Variants in TMX4 observed in about 807,000 individuals in gnomAD.
TMX4 encodes the protein thioredoxin-related transmembrane protein 4.
Under a neutral mutation model 33.3 loss-of-function variants are expected in TMX4, and 23 were observed. The ratio of observed to expected loss-of-function variants is 0.69; its 90% CI spans 0.50 to 0.98. The LOEUF (loss-of-function observed/expected upper bound fraction) is 0.98. Among genes scored for constraint, TMX4 ranks in the 50% least tolerant of loss-of-function variants. TMX4 has a pLI of 0.00. For missense variants in TMX4, 399 were observed against 448.9 expected (o/e 0.89, Z 1.01); for synonymous variants, 164 against 161.5 (o/e 1.02, Z -0.12).
chr20:7,992,347 G>A (rs1450604218), intron 5 of TMX4, among the ~76,000 whole-genome samples: 1 of 152,140 alleles, frequency 6.6e-6, no homozygotes, highest in Admixed American at 6.5e-5. Flanking sequence ...TTACTTCTGT[G>A]AGTTTATATA....
In TMX4 at chr20:7,982,493, G is replaced by C. The variant is rs1469338269; in HGVS notation, c.808C>G (p.Leu270Val). 2.5e-6 allele frequency: 4 copies of C among 1,613,674 alleles called. No individual in the cohort carries two copies. In the African/African-American group the frequency reaches 5.3e-5, roughly 22 times the overall value. The change falls in exon 8 of 8, where the codon CTT becomes GTT. Residue 270 changes from leucine (L) to valine (V), a missense_variant. Coordinates refer to ENST00000246024, the MANE Select transcript of TMX4 (RefSeq NM_021156.4). ...TCCTCTGCTTCATCCTCATCGCCAAGATCTTCTTTCTCTTCTTCATCATCT... is the reference window on the plus strand; with the variant it reads ...TCCTCTGCTTCATCCTCATCGCCAACATCTTCTTTCTCTTCTTCATCATCT... The part of the protein sequence containing the change: ...LVDDEEEKED[L>V]GDEDEAEEEE...
At chr20:7,998,678 A>G (rs951613755) in intron 4 of TMX4, among the ~76,000 whole-genome samples, 3 of 152,042 alleles carry the variant, frequency 2.0e-5, no homozygotes, top group African/African-American at 7.2e-5. Context: ...CCTTAAGTAC[A>G]CCAAGCTCCT....
At chr20:7,996,601 T>A (rs2050677539) in intron 4 of TMX4, among the ~76,000 whole-genome samples, 1 of 152,142 alleles carries the variant, frequency 6.6e-6, no homozygotes, top group Admixed American at 6.6e-5. Context: ...TCCACCTGCA[T>A]CCACCTTCTC....
At chr20:8,004,368 T>A (rs111252021) in intron 2 of TMX4, among the ~76,000 whole-genome samples, 1 of 152,208 alleles carries the variant, frequency 6.6e-6, no homozygotes, top group African/African-American at 2.4e-5. Flanking sequence ...TTGAACATCA[T>A]AATAGCAGCT....
chr20:8,008,973 A>T lies in TMX4; in HGVS notation c.292+1227T>A, dbSNP rs530079766. ...CATGTACCATCTATTCTGTTATCCAAGTAACTGGTACTTCATTATTTAAGT... is the reference window on the plus strand; with the variant it reads ...CATGTACCATCTATTCTGTTATCCATGTAACTGGTACTTCATTATTTAAGT... On this transcript the variant is annotated intron_variant, in intron 2 of 7. Coordinates refer to ENST00000246024, the MANE Select transcript of TMX4 (RefSeq NM_021156.4). Among the ~76,000 whole-genome samples the T allele has an allele frequency of 3.3e-5, 5 of 152,242 alleles. No individual in the cohort carries two copies. The East Asian group carries it at 9.6e-4, about 29-fold the overall frequency.
chr20:8,012,693 T>TATTAAATCATGC (rs148165722), intron 1 of TMX4, among the ~76,000 whole-genome samples: 11,471 of 152,174 alleles, frequency 0.075, 1,015 homozygotes, highest in East Asian at 0.53. Flanking sequence ...CATCAGTAAT[T>TATTAAATCATGC]ATGTTTCATA....
At chr20:8,012,014 A>AT (rs1416872786) in intron 1 of TMX4, among the ~76,000 whole-genome samples, 2 of 152,162 alleles carry the variant, frequency 1.3e-5, no homozygotes, top group African/African-American at 4.8e-5. Flanking sequence ...AATGAAAATC[A>AT]TATTCTTCAT....
At chr20:8,009,595 T>A (rs1407555695) in intron 2 of TMX4, among the ~76,000 whole-genome samples, 1 of 152,128 alleles carries the variant, frequency 6.6e-6, no homozygotes, top group Non-Finnish European at 1.5e-5. Flanking sequence ...AGTCACAGCA[T>A]CATCTTAGAA....
In TMX4 at chr20:8,010,203, G is replaced by C; in HGVS notation, c.289C>G (p.Pro97Ala). 6.2e-7 allele frequency: 1 copy of C among 1,603,290 alleles called. No individual in the cohort carries two copies. The highest frequency in any genetic ancestry group is 8.5e-7 in the Non-Finnish European group (1 of 1,174,744). ...TTATGTGCAACATTCACAGTACCTG[G>C]TTCTTGAATGACATCTACCTTCCCC... ...SVGKVDVIQEPGLSGRFFVTT... is the reference protein window; with the variant it reads ...SVGKVDVIQEAGLSGRFFVTT... Residue 97 changes from proline to alanine, a missense_variant, in exon 2 of 8, where the codon CCA (proline) becomes GCA (alanine). By Grantham distance (27) the Pro-to-Ala change is conservative (BLOSUM62 -1). Transcript: ENST00000246024.
At chr20:8,000,726 G>A (rs2050702486) in intron 3 of TMX4, among the ~76,000 whole-genome samples, 2 of 152,030 alleles carry the variant, frequency 1.3e-5, no homozygotes, top group African/African-American at 4.8e-5. Flanking sequence ...CCTCAATGCT[G>A]AGGAATTCTC....
intron 2 of TMX4, among the ~76,000 whole-genome samples, chr20:8,006,760 CTTT>C (rs3030970): frequency 2.9e-5 from 4 of 139,480 alleles, no homozygotes; most frequent in Admixed American, 7.1e-5. Flanking sequence ...ACTTCTTCTT[CTTT>C]TTTTTTTTTT....
At chr20:8,003,706 G>C (rs75280973) in intron 2 of TMX4, among the ~76,000 whole-genome samples, 3 of 152,154 alleles carry the variant, frequency 2.0e-5, no homozygotes, top group East Asian at 3.9e-4. Flanking sequence ...CATCTTTCTG[G>C]TTCTGGCTAA....
rs11289988 is a variant in TMX4, at chr20:8,009,861, TAAAA to T, written c.292+335_292+338del. 6.3e-3 allele frequency among the ~76,000 whole-genome samples: 531 copies of T among 84,624 alleles called. 5 individuals carry two copies. Among genetic ancestry groups the T allele is most frequent in the African/African-American group, 0.016 (461 of 29,220 alleles). The allele number at this position is 84,624 out of a possible 152,430, so 55.5% of individuals were successfully genotyped here. A position where few individuals can be genotyped will look rare whatever the true frequency, so the allele number is the denominator to read the frequency against. On this transcript the variant is annotated intron_variant, in intron 2 of 7. Transcript: ENST00000246024. ...GATTGGATCCTCAGTCAAAAAACTG[TAAAA>T]AAAAAAAAAAAAAAAAAGACACATG...
At chr20:7,987,152 C>A in intron 6 of TMX4, 136 bp downstream of exon 6, 1 of 624,872 alleles carries the variant, frequency 1.6e-6, no homozygotes, top group South Asian at 2.1e-5. Context: ...CAGTCTCAAA[C>A]AAGCAAATGC....
At position 7,981,417 on chromosome 20, in the gene TMX4, G is replaced by A. The variant is rs909619041; in HGVS notation, c.*834C>T. The A allele has an allele frequency of 2.0e-5, 3 of 151,910 alleles. No individual in the cohort carries two copies. Among genetic ancestry groups the A allele is most frequent in the Non-Finnish European group, 4.4e-5 (3 of 68,016 alleles). 9.4% of individuals were successfully genotyped at this position (151,910 alleles called of 1,614,324 possible). A position where few individuals can be genotyped will look rare whatever the true frequency, so the allele number is the denominator to read the frequency against. On this transcript the variant is annotated 3_prime_UTR_variant, in exon 8 of 8. Coordinates refer to ENST00000246024, the MANE Select transcript of TMX4 (RefSeq NM_021156.4). ...AAAAATCAACAACAACTATATTTTGGACAAAACAATTTTTTTTTAATCTGT... is the reference window on the plus strand; with the variant it reads ...AAAAATCAACAACAACTATATTTTGAACAAAACAATTTTTTTTTAATCTGT...
intron 2 of TMX4, among the ~76,000 whole-genome samples, chr20:8,009,306 T>A: frequency 6.6e-6 from 1 of 152,106 alleles, no homozygotes; most frequent in Non-Finnish European, 1.5e-5. Flanking sequence ...AATGATTCAT[T>A]CTTGTGAAAA....
At chr20:7,996,952 A>C (rs1329102815) in intron 4 of TMX4, among the ~76,000 whole-genome samples, 1 of 152,170 alleles carries the variant, frequency 6.6e-6, no homozygotes, top group African/African-American at 2.4e-5. Flanking sequence ...CAGATTGTCA[A>C]GGCCATGATG....
chr20:7,989,765 A>G (rs932680869), intron 5 of TMX4, among the ~76,000 whole-genome samples: 3 of 152,198 alleles, frequency 2.0e-5, no homozygotes, highest in Admixed American at 1.3e-4. Flanking sequence ...TTTGCTTTAT[A>G]TATGTTTCCA....
In TMX4 at chr20:8,010,096, T is replaced by C. The variant is rs189538629; in HGVS notation, c.292+104A>G. 6.8e-6 allele frequency: 6 copies of C among 877,084 alleles called. No individual in the cohort carries two copies. The Admixed American group carries it at 1.4e-4, about 20-fold the overall frequency. The allele number at this position is 877,084 out of a possible 1,614,324, so 54.3% of individuals were successfully genotyped here. ...CTGCTACTTAAAGGTGGCCAGTTCATGGGTAATCAATATCCCAGACTCTCA... is the reference window on the plus strand; with the variant it reads ...CTGCTACTTAAAGGTGGCCAGTTCACGGGTAATCAATATCCCAGACTCTCA... On this transcript the variant is annotated intron_variant, in intron 2 of 7. Transcript: ENST00000246024.
Sources: allele counts gnomAD v4.1 joint callset (sites outside exome capture counted in the v4.1 genomes callset), GRCh38; gene constraint gnomAD v4.1.1; transcripts MANE v1.5; gene names NCBI Gene and HGNC (gene_info 2026-07-23, HGNC 2026-07-21).